ITPR1: variants seen among roughly 807,000 people sequenced by gnomAD.
The protein encoded by ITPR1 is inositol 1,4,5-trisphosphate receptor type 1, also known as inositol 1,4,5-trisphosphate-gated calcium channel ITPR1.
Under a neutral mutation model 318.4 loss-of-function variants are expected in ITPR1, and 96 were observed. The ratio of observed to expected loss-of-function variants is 0.30; its 90% CI spans 0.26 to 0.36. The LOEUF is 0.36. ITPR1 is among the 10% of genes least tolerant of loss of function. ITPR1 has a pLI of 1.00. For missense variants in ITPR1, 2,440 were observed against 3,460.2 expected (o/e 0.71, Z 7.40); for synonymous variants, 1,312 against 1,289.9 (o/e 1.02, Z -0.37).
intron 60 of ITPR1, among the ~76,000 whole-genome samples, chr3:4,833,991 A>C (rs2050703390): frequency 1.3e-5 from 2 of 152,188 alleles, no homozygotes. Flanking sequence ...TCCTGGGCTC[A>C]AACGATCCTC....
chr3:4,650,603 C>T (rs1417186012), intron 10 of ITPR1, among the ~76,000 whole-genome samples: 2 of 58,470 alleles, frequency 3.4e-5, no homozygotes, highest in African/African-American at 9.5e-5. Flanking sequence ...TATGATATGC[C>T]TTAGTGTGTG....
At chr3:4,637,755 G>C (rs1006283432) in intron 5 of ITPR1, among the ~76,000 whole-genome samples, 3 of 152,170 alleles carry the variant, frequency 2.0e-5, no homozygotes, top group Non-Finnish European at 4.4e-5. Flanking sequence ...GCTTCTGGCA[G>C]TTCATTTTTC....
At chr3:4,675,273 A>G (rs1354918719) in intron 23 of ITPR1, 25 bp downstream of exon 23, 3 of 1,550,676 alleles carry the variant, frequency 1.9e-6, no homozygotes, top group African/African-American at 1.4e-5. Flanking sequence ...GTGCCCATAC[A>G]TCTGAGAGAT....
intron 4 of ITPR1, among the ~76,000 whole-genome samples, chr3:4,535,711 C>G (rs937462221): frequency 1.3e-5 from 2 of 152,062 alleles, no homozygotes; most frequent in Admixed American, 6.5e-5. Flanking sequence ...TCCCAAAGTG[C>G]TGGGATTAGA....
At chr3:4,568,134 G>A (rs943384243) in intron 4 of ITPR1, among the ~76,000 whole-genome samples, 1 of 152,168 alleles carries the variant, frequency 6.6e-6, no homozygotes, top group Non-Finnish European at 1.5e-5. Flanking sequence ...ACATAGTTGG[G>A]CCCTGGAGGC....
intron 4 of ITPR1, among the ~76,000 whole-genome samples, chr3:4,556,107 TA>T (rs1307855283): frequency 6.6e-6 from 1 of 152,210 alleles, no homozygotes; most frequent in Non-Finnish European, 1.5e-5. Context: ...CTAATTTAGT[TA>T]AAAAACTTTA....
At chr3:4,829,183 C>G (rs1297881938) in intron 60 of ITPR1, among the ~76,000 whole-genome samples, 1 of 152,132 alleles carries the variant, frequency 6.6e-6, no homozygotes, top group African/African-American at 2.4e-5. Context: ...GAAAATAGAC[C>G]AGGTTGGTGA....
intron 4 of ITPR1, among the ~76,000 whole-genome samples, chr3:4,579,605 G>A (rs1275015264): frequency 6.6e-6 from 1 of 152,168 alleles, no homozygotes; most frequent in Non-Finnish European, 1.5e-5. Flanking sequence ...TCCATCTTTG[G>A]TGGTTTCCCT....
chr3:4,843,578 T>A (rs1178879338), intron 61 of ITPR1, among the ~76,000 whole-genome samples: 1 of 152,210 alleles, frequency 6.6e-6, no homozygotes, highest in Non-Finnish European at 1.5e-5. Context: ...TTCTGGGTGA[T>A]TCTGGCGCAT....
chr3:4,805,083 A>G (rs1043484506), intron 54 of ITPR1, among the ~76,000 whole-genome samples: 2 of 152,250 alleles, frequency 1.3e-5, no homozygotes, highest in Admixed American at 6.5e-5. Flanking sequence ...GGACTCCTTC[A>G]GTTGCAGATG....
At chr3:4,571,355 T>G (rs1355792922) in intron 4 of ITPR1, among the ~76,000 whole-genome samples, 1 of 152,174 alleles carries the variant, frequency 6.6e-6, no homozygotes, top group Non-Finnish European at 1.5e-5. Context: ...TTCTTTTGTT[T>G]CTTTGGAAAG....
chr3:4,536,384 A>G lies in ITPR1; in HGVS notation c.163+15290A>G, dbSNP rs183852458. 4.8e-4 allele frequency among the ~76,000 whole-genome samples: 73 copies of G among 152,310 alleles called. 2 individuals carry two copies. Among genetic ancestry groups the G allele is most frequent in the Non-Finnish European group, 1.5e-5 (1 of 68,026 alleles). Reference sequence around the variant, plus strand: ...AATGTTTTTGTTTGACGTTTTTACCATTTTGCATGTTTCTGTAGTGGCATC... The same window carrying G: ...AATGTTTTTGTTTGACGTTTTTACCGTTTTGCATGTTTCTGTAGTGGCATC... On this transcript the variant is annotated intron_variant, in intron 4 of 61. Coordinates refer to ENST00000649015, the MANE Select transcript of ITPR1 (RefSeq NM_001378452.1).
intron 4 of ITPR1, among the ~76,000 whole-genome samples, chr3:4,560,989 A>T (rs932314101): frequency 5.9e-5 from 9 of 152,222 alleles, no homozygotes; most frequent in Non-Finnish European, 1.2e-4. Flanking sequence ...TGCTTTGAGG[A>T]TGCAGGCTGA....
chr3:4,598,155 C>T (rs2090995758), intron 4 of ITPR1, among the ~76,000 whole-genome samples: 1 of 152,208 alleles, frequency 6.6e-6, no homozygotes, highest in Non-Finnish European at 1.5e-5. Flanking sequence ...TTTGTACCAT[C>T]CTTCCCCTCT....
intron 44 of ITPR1, among the ~76,000 whole-genome samples, chr3:4,742,869 A>T (rs1463685099): frequency 6.6e-6 from 1 of 152,220 alleles, no homozygotes; most frequent in African/African-American, 2.4e-5. Context: ...GTGGTTTATC[A>T]TCCAGCAGGC....
At chr3:4,559,582 AT>A (rs1290771920) in intron 4 of ITPR1, among the ~76,000 whole-genome samples, 2 of 152,168 alleles carry the variant, frequency 1.3e-5, no homozygotes, top group Non-Finnish European at 2.9e-5. Context: ...ATTCTCCAGT[AT>A]TTTTTAGTCT....
chr3:4,762,851 G>A (rs2045549380), intron 44 of ITPR1, among the ~76,000 whole-genome samples: 1 of 152,110 alleles, frequency 6.6e-6, no homozygotes, highest in African/African-American at 2.4e-5. Flanking sequence ...CATACCCAAA[G>A]GAACATAAAT....
intron 4 of ITPR1, among the ~76,000 whole-genome samples, chr3:4,607,529 G>A (rs1334140967): frequency 1.3e-5 from 2 of 152,172 alleles, no homozygotes; most frequent in South Asian, 2.1e-4. Context: ...TTGCAAGAGA[G>A]AGAGTTTTAT....
chr3:4,762,866 C>T (rs2045549966), intron 44 of ITPR1, among the ~76,000 whole-genome samples: 1 of 152,214 alleles, frequency 6.6e-6, no homozygotes, highest in Non-Finnish European at 1.5e-5. Context: ...ATAAATCATT[C>T]TATTATAAAG....
Sources: gnomAD v4.1 joint callset for allele counts (sites outside exome capture counted in the v4.1 genomes callset) on GRCh38, gnomAD v4.1.1 for gene constraint, MANE v1.5 for transcripts, NCBI Gene and HGNC (gene_info 2026-07-23, HGNC 2026-07-21) for gene names.